CARS2: variants seen among roughly 807,000 people sequenced by gnomAD.
CARS2 encodes cysteinyl-tRNA synthetase 2, mitochondrial.
In CARS2, 52 loss-of-function variants were observed where a neutral mutation model predicts 68.8. That is an observed-to-expected ratio of 0.76 (90% CI 0.61 to 0.95). The LOEUF (loss-of-function observed/expected upper bound fraction) is 0.95. CARS2 is among the 40% of genes least tolerant of loss of function. The probability of loss-of-function intolerance (pLI) is 0.00; values close to 1 mark genes in which losing one functional copy is unlikely to be tolerated. For synonymous variants in CARS2, 314 were observed against 303.6 expected (o/e 1.03, Z -0.36); for missense variants, 780 against 754.2 (o/e 1.03, Z -0.40).
chr13:110,679,486 C>T lies in CARS2; in HGVS notation c.656-2383G>A, dbSNP rs552328945. Among the ~76,000 whole-genome samples, 141 of 150,092 alleles carry T rather than the reference C, an allele frequency of 9.4e-4. 1 individual carries two copies. Among genetic ancestry groups the T allele is most frequent in the Non-Finnish European group, 1.0e-3 (71 of 67,728 alleles). ...CGGAGGTTACAGTGAGCCGAGATCG[C>T]GCCATTGCACTCCAGCCTGAACAAC... On this transcript the variant is annotated intron_variant, in intron 6 of 14. Coordinates refer to ENST00000257347, the MANE Select transcript of CARS2 (RefSeq NM_024537.4).
rs2062617672 is a variant in CARS2 at position 110,665,275 on chromosome 13, G to C, written c.920-1757C>G. On this transcript the variant is annotated intron_variant, in intron 8 of 14. Coordinates refer to ENST00000257347, the MANE Select transcript of CARS2 (RefSeq NM_024537.4). The surrounding 1 kb of genome is among the most constrained non-coding windows in gnomAD (Gnocchi z 4.3). The stretch of plus-strand genomic sequence containing the variant: ...AGCCTGGCCAACATGGTGAAACCCT[G>C]CTTCTACTAAAAATACAAAAATTAG... 8.7e-6 allele frequency: 6 copies of C among 688,408 alleles called. No homozygotes were observed. The highest frequency in any genetic ancestry group is 1.9e-5 in the African/African-American group (1 of 51,506). 42.6% of individuals were successfully genotyped at this position (688,408 alleles called of 1,614,324 possible).
chr13:110,710,408 C>T (rs72663411), upstream of CARS2, among the ~76,000 whole-genome samples: 826 of 152,234 alleles, frequency 5.4e-3, 6 homozygotes, highest in Non-Finnish European at 7.9e-3. Flanking sequence ...ATTATATGTT[C>T]ATCTCTTATA....
rs539168705 is a variant in CARS2, at chr13:110,642,408, G to T, written c.1530C>A (p.Asp510Glu). The change falls in exon 14 of 15, where the codon GAC becomes GAA. Residue 510 changes from aspartate (D) to glutamate (E), a missense_variant. Asp to Glu is a conservative substitution (Grantham distance 45). Transcript: ENST00000257347. The part of the protein sequence containing the change: ...FALAMPEATG[D>E]ARRQQLLERQ... ...TTTCTAGGAGCTGCTGCCGCCGGGC[G>T]TCCCCCGTGGCCTCGGGCATGGCCA... 2 of 1,587,308 alleles carry T rather than the reference G, an allele frequency of 1.3e-6. No individual in the cohort carries two copies. The highest frequency in any genetic ancestry group is 2.7e-5 in the African/African-American group (2 of 74,376).
chr13:110,644,238 T>C (rs1887791075), intron 13 of CARS2, 147 bp downstream of exon 13: 1 of 1,415,054 alleles, frequency 7.1e-7, no homozygotes, highest in South Asian at 1.2e-5. Flanking sequence ...TGAGTGTGTT[T>C]ATTTTTCCAG....
intron 11 of CARS2, chr13:110,646,402 C>T (rs1458349017): frequency 3.3e-5 from 7 of 215,006 alleles, no homozygotes; most frequent in South Asian, 2.8e-4. Context: ...AAGGAAGACT[C>T]GGTGGGGGAG....
chr13:110,710,411 C>T (rs2064017469), upstream of CARS2, among the ~76,000 whole-genome samples: 1 of 152,088 alleles, frequency 6.6e-6, no homozygotes, highest in Non-Finnish European at 1.5e-5. Context: ...ATATGTTCAT[C>T]TCTTATATCT....
At chr13:110,698,655 G>A (rs1384293753) in intron 3 of CARS2, among the ~76,000 whole-genome samples, 1 of 152,112 alleles carries the variant, frequency 6.6e-6, no homozygotes, top group African/African-American at 2.4e-5. Context: ...AGAACTTGAA[G>A]AAGTGATTAG....
chr13:110,668,063 G>A lies in CARS2; in HGVS notation c.786-590C>T, dbSNP rs757960494. On this transcript the variant is annotated intron_variant, in intron 7 of 14. Coordinates refer to ENST00000257347, the MANE Select transcript of CARS2 (RefSeq NM_024537.4). This position sits in a 1 kb window ranked among gnomAD's most constrained non-coding sequence, Gnocchi z 4.1. ...GGACCAGCTGCAGAAGCATGGCGACGCAGCAGGCCGGTGGATTTTCTTAAA... is the reference window on the plus strand; with the variant it reads ...GGACCAGCTGCAGAAGCATGGCGACACAGCAGGCCGGTGGATTTTCTTAAA... Among the ~76,000 whole-genome samples the A allele has an allele frequency of 1.3e-5, 2 of 152,220 alleles. No homozygotes were observed. Among genetic ancestry groups the A allele is most frequent in the Admixed American group, 6.5e-5 (1 of 15,276 alleles).
intron 9 of CARS2, among the ~76,000 whole-genome samples, chr13:110,654,989 A>G (rs2062329489): frequency 6.6e-6 from 1 of 152,106 alleles, no homozygotes; most frequent in Non-Finnish European, 1.5e-5. Context: ...CCTGATTAAA[A>G]TTCTAATTTG....
At chr13:110,661,344 T>G (rs1333522178) in intron 9 of CARS2, among the ~76,000 whole-genome samples, 1 of 152,242 alleles carries the variant, frequency 6.6e-6, no homozygotes, top group Non-Finnish European at 1.5e-5. Flanking sequence ...AACCAACCCC[T>G]GCTAGCTTCC....
At chr13:110,672,932 A>C (rs2062840363) in intron 7 of CARS2, among the ~76,000 whole-genome samples, 1 of 152,244 alleles carries the variant, frequency 6.6e-6, no homozygotes, top group South Asian at 2.1e-4. Flanking sequence ...AGAATACTAT[A>C]AACACCTCTA....
At chr13:110,659,497 C>CTT (rs34169536) in intron 9 of CARS2, among the ~76,000 whole-genome samples, 1 of 147,846 alleles carries the variant, frequency 6.8e-6, no homozygotes, top group Admixed American at 6.7e-5. Flanking sequence ...CCCAGATCTC[C>CTT]TTTTTTTTTT....
At chr13:110,698,389 G>A (rs1471702351) in intron 3 of CARS2, among the ~76,000 whole-genome samples, 1 of 151,784 alleles carries the variant, frequency 6.6e-6, no homozygotes, top group African/African-American at 2.4e-5. Context: ...GCATGGTGGT[G>A]GGTGTCTGTA....
At chr13:110,672,300 A>G (rs1303571384) in intron 7 of CARS2, among the ~76,000 whole-genome samples, 1 of 152,212 alleles carries the variant, frequency 6.6e-6, no homozygotes, top group African/African-American at 2.4e-5. Flanking sequence ...TCCAAAATGG[A>G]CCACATATTT....
chr13:110,661,968 T>C (rs1247919159), intron 9 of CARS2, among the ~76,000 whole-genome samples: 1 of 152,182 alleles, frequency 6.6e-6, no homozygotes, highest in African/African-American at 2.4e-5. Context: ...GATTTAATAA[T>C]GAGAAACTTT....
rs1207607155 is a variant in CARS2 at position 110,706,062 on chromosome 13, C to A, written c.32G>T (p.Gly11Val). Residue 11 changes from glycine (G) to valine (V), a missense_variant, in exon 1 of 15, where the codon GGC becomes GTC. Coordinates refer to ENST00000257347, the MANE Select transcript of CARS2 (RefSeq NM_024537.4). MLRTTRGPGL[G>V]PPLLQAALGL... ...CAGCGCGGCCTGGAGCAGCGGGGGGCCCAGGCCTGGGCCGCGCGTAGTCCT... is the reference window on the plus strand; with the variant it reads ...CAGCGCGGCCTGGAGCAGCGGGGGGACCAGGCCTGGGCCGCGCGTAGTCCT... 3 of 1,352,798 alleles carry A rather than the reference C, an allele frequency of 2.2e-6. No individual in the cohort carries two copies. Among genetic ancestry groups the A allele is most frequent in the South Asian group, 1.8e-5 (1 of 54,852 alleles). The allele number at this position is 1,352,798 out of a possible 1,614,324, so 83.8% of individuals were successfully genotyped here. A position where few individuals can be genotyped will look rare whatever the true frequency, so the allele number is the denominator to read the frequency against.
At chr13:110,677,605 ACGGACACGCAGACAG>A (rs2062999555) in intron 6 of CARS2, among the ~76,000 whole-genome samples, 9 of 35,384 alleles carry the variant, frequency 2.5e-4, no homozygotes, top group Non-Finnish European at 4.2e-4. Context: ...TCACCCCACC[ACGGACACGCAGACAG>A]TCACCCCACC....
In CARS2 at chr13:110,644,809, G is replaced by T. The variant is rs1309005623; in HGVS notation, c.1318-326C>A. 3 of 267,704 alleles carry T rather than the reference G, an allele frequency of 1.1e-5. No homozygotes were observed. In the South Asian group the frequency reaches 1.7e-4, roughly 16 times the overall value. 16.6% of individuals were successfully genotyped at this position (267,704 alleles called of 1,614,324 possible). ...TGGAGGCTGAGTGGGCACTGGGCTGGGTTTCTCAGAAAACGGGGAAATCCT... is the reference window on the plus strand; with the variant it reads ...TGGAGGCTGAGTGGGCACTGGGCTGTGTTTCTCAGAAAACGGGGAAATCCT... On this transcript the variant is annotated intron_variant, in intron 12 of 14. Coordinates refer to ENST00000257347, the MANE Select transcript of CARS2 (RefSeq NM_024537.4).
chr13:110,662,021 A>G (rs1433209498), intron 9 of CARS2, among the ~76,000 whole-genome samples: 2 of 152,264 alleles, frequency 1.3e-5, no homozygotes, highest in African/African-American at 4.8e-5. Context: ...ACAGAAAGGA[A>G]GTGAGAACAT....
Sources: gnomAD v4.1 joint callset for allele counts (sites outside exome capture counted in the v4.1 genomes callset) on GRCh38, gnomAD v4.1.1 for gene constraint, Gnocchi (gnomAD v3.1) non-coding constraint, MANE v1.5 for transcripts, NCBI Gene and HGNC (gene_info 2026-07-23, HGNC 2026-07-21) for gene names.